NCK2: variants seen among roughly 807,000 people sequenced by gnomAD.
NCK2 encodes cytoplasmic protein NCK2.
NCK2 carries 16 observed loss-of-function variants against 33.9 expected under a neutral mutation model. That is an observed-to-expected ratio of 0.47 (90% CI 0.32 to 0.72). NCK2 has a LOEUF of 0.72. NCK2 is among the 30% of genes least tolerant of loss of function. NCK2 has a pLI of 0.03. For missense variants in NCK2, 418 were observed against 537.3 expected, an observed-to-expected ratio of 0.78 and a Z score of 2.19; for synonymous variants, 273 against 239.9, an observed-to-expected ratio of 1.14 and a Z score of -1.27.
intron 4 of NCK2, among the ~76,000 whole-genome samples, chr2:105,892,537 A>G (rs970629084): frequency 6.8e-6 from 1 of 147,910 alleles, no homozygotes; most frequent in Non-Finnish European, 1.5e-5. Context: ...GCCGTTCTAG[A>G]TATAAAACAG....
intron 1 of NCK2, among the ~76,000 whole-genome samples, chr2:105,810,565 A>G (rs1355337654): frequency 6.6e-6 from 1 of 152,232 alleles, no homozygotes; most frequent in Non-Finnish European, 1.5e-5. Flanking sequence ...TGCATGCTTA[A>G]TAAAATGCTG....
intron 2 of NCK2, among the ~76,000 whole-genome samples, chr2:105,835,880 TCAGA>T (rs1676412680): frequency 6.6e-6 from 1 of 151,862 alleles, no homozygotes; most frequent in Admixed American, 6.6e-5. Context: ...GTCTCTATGT[TCAGA>T]AATTCTTTCT....
At position 105,881,455 on chromosome 2, in the gene NCK2, C is replaced by T. The variant is rs1307339195; in HGVS notation, c.354C>T (p.Val118=). ...RIYDLNIPAF[V]KFAYVAERED... The stretch of plus-strand genomic sequence containing the variant: ...ACGACCTCAACATCCCGGCCTTCGT[C>T]AAGTTCGCCTATGTGGCCGAGCGGG... Residue 118 remains valine (V), a synonymous_variant, in exon 4 of 5, where the codon GTC becomes GTT. Coordinates refer to ENST00000233154, the MANE Select transcript of NCK2 (RefSeq NM_003581.5). 6.2e-6 allele frequency: 10 copies of T among 1,613,810 alleles called. No individual in the cohort carries two copies. The highest frequency in any genetic ancestry group is 7.6e-6 in the Non-Finnish European group (9 of 1,179,998).
At chr2:105,891,677 C>A (rs1412628305) in intron 4 of NCK2, among the ~76,000 whole-genome samples, 1 of 150,758 alleles carries the variant, frequency 6.6e-6, no homozygotes, top group African/African-American at 2.4e-5. Flanking sequence ...TCCCAAGTAG[C>A]TGGGATTACA....
chr2:105,776,417 G>A (rs1225539233), intron 1 of NCK2, among the ~76,000 whole-genome samples: 1 of 152,238 alleles, frequency 6.6e-6, no homozygotes, highest in Non-Finnish European at 1.5e-5. Flanking sequence ...GGGCCCATTT[G>A]ACTGGGACAG....
At chr2:105,892,862 G>C in intron 4 of NCK2, 120 bp from the exon 5 acceptor site, 1 of 599,520 alleles carries the variant, frequency 1.7e-6, no homozygotes, top group Non-Finnish European at 2.6e-6. Context: ...AAAAAAAAAA[G>C]CAGAGACCCA....
At chr2:105,764,070 G>A (rs948241849) in intron 1 of NCK2, among the ~76,000 whole-genome samples, 9 of 152,266 alleles carry the variant, frequency 5.9e-5, no homozygotes, top group Non-Finnish European at 5.9e-5. Context: ...AACAGATGAG[G>A]TAGCTGAGAT....
intron 1 of NCK2, among the ~76,000 whole-genome samples, chr2:105,815,751 C>G (rs1675455319): frequency 6.6e-6 from 1 of 152,190 alleles, no homozygotes; most frequent in African/African-American, 2.4e-5. Flanking sequence ...CAACAAATGG[C>G]TGGTGCAACA....
At chr2:105,848,917 T>C (rs10180659) in intron 2 of NCK2, among the ~76,000 whole-genome samples, 106,152 of 152,134 alleles carry the variant, frequency 0.7, 37,290 homozygotes, top group African/African-American at 0.79. Flanking sequence ...ATTTTTCATA[T>C]AGACTCAATT....
chr2:105,766,281 C>G (rs1689945845), intron 1 of NCK2, among the ~76,000 whole-genome samples: 1 of 152,098 alleles, frequency 6.6e-6, no homozygotes, highest in Non-Finnish European at 1.5e-5. Flanking sequence ...TGGGGAGAAC[C>G]TGATGTATTT....
chr2:105,843,587 C>T (rs1012952170), intron 2 of NCK2, among the ~76,000 whole-genome samples: 2 of 152,094 alleles, frequency 1.3e-5, no homozygotes, highest in African/African-American at 2.4e-5. Flanking sequence ...AAGAAACAAA[C>T]GAACGAACAC....
At chr2:105,844,747 G>T (rs1473633197) in intron 2 of NCK2, among the ~76,000 whole-genome samples, 17 of 133,610 alleles carry the variant, frequency 1.3e-4, no homozygotes, top group African/African-American at 3.7e-4. Flanking sequence ...GGCGGGGGGG[G>T]ATATATATAT....
chr2:105,807,730 T>TTTCC (rs368606023), intron 1 of NCK2, among the ~76,000 whole-genome samples: 2 of 56,830 alleles, frequency 3.5e-5, no homozygotes, highest in South Asian at 8.3e-4. Context: ...TCCTTCCTTC[T>TTTCC]TTCCTTCCTT....
chr2:105,868,802 A>C (rs2104622239), intron 3 of NCK2, among the ~76,000 whole-genome samples: 1 of 152,332 alleles, frequency 6.6e-6, no homozygotes. Context: ...AATTCTGGAA[A>C]GGCGATAGCC....
At chr2:105,781,299 T>G (rs1263256787) in intron 1 of NCK2, among the ~76,000 whole-genome samples, 1 of 146,854 alleles carries the variant, frequency 6.8e-6, no homozygotes, top group Non-Finnish European at 1.5e-5. Context: ...TTTTTACACC[T>G]CTGTGCCTTT....
intron 3 of NCK2, among the ~76,000 whole-genome samples, chr2:105,866,525 C>T (rs1677770449): frequency 6.6e-6 from 1 of 152,188 alleles, no homozygotes; most frequent in Non-Finnish European, 1.5e-5. Context: ...GAAACTGTTC[C>T]ACCTCAGATC....
At chr2:105,830,555 C>T (rs972004939) in intron 2 of NCK2, among the ~76,000 whole-genome samples, 1 of 151,778 alleles carries the variant, frequency 6.6e-6, no homozygotes, top group African/African-American at 2.4e-5. Context: ...GCAGCTGTCA[C>T]ATCAATATAC....
At chr2:105,752,147 T>C (rs979275611) in intron 1 of NCK2, among the ~76,000 whole-genome samples, 1 of 152,192 alleles carries the variant, frequency 6.6e-6, no homozygotes, top group African/African-American at 2.4e-5. Context: ...ACGCGACTAG[T>C]GGCAGCCTTG....
intron 2 of NCK2, among the ~76,000 whole-genome samples, chr2:105,845,335 T>C (rs1332644217): frequency 6.6e-6 from 1 of 152,184 alleles, no homozygotes; most frequent in East Asian, 1.9e-4. Flanking sequence ...AGGTCAGATA[T>C]TGATTAATGT....
Sources: gnomAD v4.1 joint callset for allele counts (sites outside exome capture counted in the v4.1 genomes callset) on GRCh38, gnomAD v4.1.1 for gene constraint, MANE v1.5 for transcripts, NCBI Gene and HGNC (gene_info 2026-07-23, HGNC 2026-07-21) for gene names.